TBC1D15: variants seen among roughly 807,000 people sequenced by gnomAD.
The protein encoded by TBC1D15 is GAP for RAB7.
Under a neutral mutation model 95.4 loss-of-function variants are expected in TBC1D15, and 39 were observed. The ratio of observed to expected loss-of-function variants is 0.41; its 90% CI spans 0.32 to 0.53. The LOEUF (loss-of-function observed/expected upper bound fraction) is 0.53, where lower values mean the gene tolerates loss of function less well. Ranked by LOEUF, TBC1D15 falls within the 20% of genes least tolerant of loss-of-function variation. The pLI is 0.29. For synonymous variants in TBC1D15, 258 were observed against 261.3 expected (o/e 0.99, Z 0.12); for missense variants, 733 against 794.3 (o/e 0.92, Z 0.93).
At chr12:71,876,248 GT>G (rs907323804) in intron 3 of TBC1D15, among the ~76,000 whole-genome samples, 44 of 152,108 alleles carry the variant, frequency 2.9e-4, no homozygotes, top group African/African-American at 9.9e-4. Context: ...CCTTGTAGCT[GT>G]TTTTTTGATT....
At chr12:71,918,160 A>G (rs1160458254) in intron 13 of TBC1D15, among the ~76,000 whole-genome samples, 1 of 152,206 alleles carries the variant, frequency 6.6e-6, no homozygotes, top group Non-Finnish European at 1.5e-5. Flanking sequence ...GTCTCAATAA[A>G]AAAGAACTTA....
At position 71,853,356 on chromosome 12, in the gene TBC1D15, A is replaced by T. The variant is rs528399288; in HGVS notation, c.30+13545A>T. ...CCTCCCACCAGGCCCTGCCTCCAAC[A>T]TTGGGGATTACAATTTAACATCAAA... On this transcript the variant is annotated intron_variant, in intron 1 of 16. Coordinates refer to ENST00000485960, the MANE Select transcript of TBC1D15 (RefSeq NM_001146213.3). Among the ~76,000 whole-genome samples, 19 of 152,222 alleles carry T rather than the reference A, an allele frequency of 1.2e-4. No homozygotes were observed. In the East Asian group the frequency reaches 3.7e-3, roughly 29 times the overall value.
chr12:71,910,501 A>G (rs1901960698), intron 11 of TBC1D15, among the ~76,000 whole-genome samples: 1 of 151,896 alleles, frequency 6.6e-6, no homozygotes, highest in Admixed American at 6.6e-5. Flanking sequence ...TGAGCATGGA[A>G]TGTTCTTCCA....
intron 1 of TBC1D15, among the ~76,000 whole-genome samples, chr12:71,853,950 G>C (rs1310043359): frequency 1.3e-5 from 2 of 152,176 alleles, no homozygotes; most frequent in African/African-American, 2.4e-5. Context: ...AACATGCACT[G>C]TTCCATACTC....
At chr12:71,915,448 T>TAAAAAAAA (rs1236554792) in intron 12 of TBC1D15, among the ~76,000 whole-genome samples, 1 of 130,480 alleles carries the variant, frequency 7.7e-6, no homozygotes, top group Non-Finnish European at 1.7e-5. Flanking sequence ...GTAGATATTC[T>TAAAAAAAA]AAAAAAAAAA....
chr12:71,841,785 C>T lies in TBC1D15; in HGVS notation c.30+1974C>T, dbSNP rs528552453. 9.9e-5 allele frequency among the ~76,000 whole-genome samples: 15 copies of T among 152,216 alleles called. No individual in the cohort carries two copies. The South Asian group carries it at 3.1e-3, about 32-fold the overall frequency. Reference sequence around the variant, plus strand: ...CACCACTGGAGTTATTTTTCTAATGCGCAAACCTGATAATCTCTTGATTTA... The same window carrying T: ...CACCACTGGAGTTATTTTTCTAATGTGCAAACCTGATAATCTCTTGATTTA... On this transcript the variant is annotated intron_variant, in intron 1 of 16. Coordinates refer to ENST00000485960, the MANE Select transcript of TBC1D15 (RefSeq NM_001146213.3).
chr12:71,913,787 A>G, intron 11 of TBC1D15, 39 bp from the exon 12 acceptor site: 1 of 1,425,178 alleles, frequency 7.0e-7, no homozygotes. Flanking sequence ...GTTACATAAA[A>G]CTTGGGTTTT....
chr12:71,909,430 A>G (rs1901623612), intron 11 of TBC1D15, among the ~76,000 whole-genome samples: 2 of 152,178 alleles, frequency 1.3e-5, no homozygotes, highest in African/African-American at 2.4e-5. Flanking sequence ...TCAAAAGCAG[A>G]CAAAAGAATT....
chr12:71,896,598 C>G, intron 8 of TBC1D15, 79 bp from the exon 9 acceptor site: 3 of 1,230,496 alleles, frequency 2.4e-6, no homozygotes, highest in Non-Finnish European at 3.5e-6. Flanking sequence ...ATTAGTTTTC[C>G]TTTTTATATG....
chr12:71,908,895 A>T (rs1901479355), intron 11 of TBC1D15, among the ~76,000 whole-genome samples: 1 of 152,188 alleles, frequency 6.6e-6, no homozygotes, highest in Non-Finnish European at 1.5e-5. Context: ...TTTTTATTGC[A>T]GGCTGGAATT....
At chr12:71,896,913 C>T in intron 9 of TBC1D15, 133 bp downstream of exon 9, 1 of 589,174 alleles carries the variant, frequency 1.7e-6, no homozygotes, top group Non-Finnish European at 2.8e-6. Context: ...TATGTTTTAA[C>T]TTAAAAATTA....
chr12:71,877,360 CT>C (rs767902948), intron 3 of TBC1D15, among the ~76,000 whole-genome samples: 33 of 144,444 alleles, frequency 2.3e-4, no homozygotes, highest in Non-Finnish European at 2.3e-4. Flanking sequence ...AAACTTCTGT[CT>C]TTTTTTTTTA....
intron 4 of TBC1D15, among the ~76,000 whole-genome samples, chr12:71,881,110 T>A (rs1895038813): frequency 2.0e-5 from 3 of 152,178 alleles, no homozygotes; most frequent in Admixed American, 2.0e-4. Flanking sequence ...TGATCGCCTA[T>A]ATGTCAGTGG....
At chr12:71,845,147 A>C (rs1410695792) in intron 1 of TBC1D15, among the ~76,000 whole-genome samples, 6 of 152,246 alleles carry the variant, frequency 3.9e-5, no homozygotes, top group Non-Finnish European at 7.3e-5. Context: ...ACAATGGCCC[A>C]AGGCAGAAAT....
intron 1 of TBC1D15, among the ~76,000 whole-genome samples, chr12:71,863,128 C>T (rs1343812329): frequency 6.6e-6 from 1 of 152,192 alleles, no homozygotes; most frequent in Middle Eastern, 3.2e-3. Context: ...CCTACAATCT[C>T]AGCACTTTGG....
At chr12:71,909,821 T>C (rs1901737816) in intron 11 of TBC1D15, among the ~76,000 whole-genome samples, 2 of 152,124 alleles carry the variant, frequency 1.3e-5, no homozygotes, top group Non-Finnish European at 1.5e-5. Flanking sequence ...GATTAAGATA[T>C]GCATCATTCA....
chr12:71,894,078 T>C (rs1897710004), intron 6 of TBC1D15, among the ~76,000 whole-genome samples: 1 of 152,150 alleles, frequency 6.6e-6, no homozygotes, highest in Admixed American at 6.6e-5. Flanking sequence ...TTGCTAAATA[T>C]GAATGAGCAA....
chr12:71,845,891 A>G (rs1034748405), intron 1 of TBC1D15, among the ~76,000 whole-genome samples: 3 of 152,202 alleles, frequency 2.0e-5, no homozygotes, highest in African/African-American at 7.2e-5. Context: ...GGAAATAAAT[A>G]AAAATTATAA....
chr12:71,878,578 C>T (rs560279753), intron 3 of TBC1D15, among the ~76,000 whole-genome samples: 1 of 150,456 alleles, frequency 6.6e-6, no homozygotes, highest in Non-Finnish European at 1.5e-5. Context: ...TGCAGTGGTG[C>T]GATTTCGGCT....
Sources: gnomAD v4.1 joint callset for allele counts (sites outside exome capture counted in the v4.1 genomes callset) on GRCh38, gnomAD v4.1.1 for gene constraint, MANE v1.5 for transcripts, NCBI Gene and HGNC (gene_info 2026-07-23, HGNC 2026-07-21) for gene names.